COG6: variants seen among roughly 807,000 people sequenced by gnomAD.
COG6 encodes the protein component of oligomeric golgi complex 6.
In COG6, 74 loss-of-function variants were observed where a neutral mutation model predicts 88.8. The observed-to-expected ratio is 0.83, with a 90% CI of 0.69 to 1.01. The LOEUF (loss-of-function observed/expected upper bound fraction) is 1.01, where lower values mean the gene tolerates loss of function less well. Among genes scored for constraint, COG6 ranks in the 50% least tolerant of loss-of-function variants. COG6 has a pLI of 0.00. For synonymous variants in COG6, 286 were observed against 278.7 expected (o/e 1.03, Z -0.26); for missense variants, 800 against 797.9 (o/e 1.00, Z -0.03).
Position 39,719,764 on chromosome 13 carries a change from G to T in COG6, c.1521G>T (p.Met507Ile). Reference protein sequence around the residue: ...MATFMVNSLYMMKTTLALFEF... With the variant: ...MATFMVNSLYIMKTTLALFEF... The stretch of plus-strand genomic sequence containing the variant: ...CTTTCATGGTCAATTCACTATATAT[G>T]ATGAAGACAACATTAGCTCTATTTG... Residue 507 changes from methionine (M) to isoleucine (I), a missense_variant, in exon 15 of 19, where the codon ATG becomes ATT. Transcript: ENST00000455146. 3 of 1,612,646 alleles carry T rather than the reference G, an allele frequency of 1.9e-6. No homozygotes were observed. The highest frequency in any genetic ancestry group is 2.5e-6 in the Non-Finnish European group (3 of 1,179,008).
At chr13:39,701,288 T>C (rs888631304) in intron 13 of COG6, among the ~76,000 whole-genome samples, 1 of 151,814 alleles carries the variant, frequency 6.6e-6, no homozygotes, top group Non-Finnish European at 1.5e-5. Context: ...GAGATAAAGA[T>C]GGTATCATCT....
chr13:39,662,204 AT>A (rs1874944648), intron 3 of COG6, among the ~76,000 whole-genome samples: 1 of 136,106 alleles, frequency 7.3e-6, no homozygotes, highest in African/African-American at 2.8e-5. Context: ...ATCTCGGCTC[AT>A]AGCAACTTCC....
chr13:39,702,555 T>A (rs1392420599), intron 13 of COG6, among the ~76,000 whole-genome samples: 1 of 152,040 alleles, frequency 6.6e-6, no homozygotes, highest in East Asian at 1.9e-4. Flanking sequence ...AAGTCATTGA[T>A]GAATACTTCC....
intron 13 of COG6, among the ~76,000 whole-genome samples, chr13:39,712,661 A>G (rs1878306720): frequency 6.6e-6 from 1 of 152,216 alleles, no homozygotes; most frequent in African/African-American, 2.4e-5. Context: ...TTGGATTTAA[A>G]AACAAGCAAA....
intron 18 of COG6, among the ~76,000 whole-genome samples, chr13:39,729,248 T>G (rs1477600349): frequency 6.6e-6 from 1 of 152,080 alleles, no homozygotes; most frequent in Non-Finnish European, 1.5e-5. Context: ...CCTGGAAGGA[T>G]CTAGGTTATG....
At chr13:39,689,732 A>C in intron 10 of COG6, 28 bp from the exon 11 acceptor site, 4 of 1,511,176 alleles carry the variant, frequency 2.6e-6, no homozygotes, top group Non-Finnish European at 3.7e-6. Context: ...ATGGAAACAA[A>C]TATTAATTAT....
At chr13:39,754,134 C>T (rs557589595), downstream of COG6, among the ~76,000 whole-genome samples, 3 of 152,278 alleles carry the variant, frequency 2.0e-5, no homozygotes, top group African/African-American at 7.2e-5. Flanking sequence ...AACCCAACCC[C>T]CTTTTGACCT....
chr13:39,788,442 A>G (rs1269532746), exon 19 of COG6: 13 of 1,340,546 alleles, frequency 9.7e-6, no homozygotes, highest in African/African-American at 5.8e-5. Context: ...TGCCTTGGGG[A>G]CTGGCTATAG....
At position 39,788,303 on chromosome 13, in the gene COG6, C is replaced by T. The variant is rs751430495; in HGVS notation, c.1827-32C>T. On this transcript the variant is annotated intron_variant, in intron 18 of 18. Coordinates refer to the COG6 transcript ENST00000416691. ...AAGCAGGAAACTGCACCATCAGCAACATTGTCTTTGATTGTTGGCATTTGC... is the reference window on the plus strand; with the variant it reads ...AAGCAGGAAACTGCACCATCAGCAATATTGTCTTTGATTGTTGGCATTTGC... 3 of 1,551,298 alleles carry T rather than the reference C, an allele frequency of 1.9e-6. No individual in the cohort carries two copies. In the Middle Eastern group the frequency reaches 5.0e-4, roughly 259 times the overall value.
intron 13 of COG6, among the ~76,000 whole-genome samples, chr13:39,701,682 A>T (rs1227808382): frequency 6.6e-6 from 1 of 151,930 alleles, no homozygotes; most frequent in East Asian, 1.9e-4. Context: ...TTGGCAATAT[A>T]TATGTGATAG....
chr13:39,669,117 C>T (rs77791101), intron 4 of COG6, among the ~76,000 whole-genome samples: 3,672 of 152,310 alleles, frequency 0.024, 144 homozygotes, highest in African/African-American at 0.084. Context: ...ATGGTTGACT[C>T]TGCAAAGCAG....
At chr13:39,772,424 T>G (rs537999925) in intron 18 of COG6, among the ~76,000 whole-genome samples, 152 of 152,352 alleles carry the variant, frequency 1.0e-3, no homozygotes, top group African/African-American at 3.2e-3. Context: ...ACAGACATGA[T>G]TCCTGCCCTC....
rs1381692412 is a variant in COG6, at chr13:39,751,462, TTAGTA to T, written c.*372_*376del. On this transcript the variant is annotated 3_prime_UTR_variant, in exon 19 of 19. Transcript: ENST00000455146. ...TAAAAAATTTGTCTAAATTTAATAA[TTAGTA>T]TAAGGATATGACCTAATAAATGTCT... is the stretch of plus-strand genomic sequence containing the variant. The T allele has an allele frequency of 2.4e-6, 3 of 1,254,828 alleles. No individual in the cohort carries two copies. The highest frequency in any genetic ancestry group is 2.1e-6 in the Non-Finnish European group (2 of 961,524). The allele number at this position is 1,254,828 out of a possible 1,614,324, so 77.7% of individuals were successfully genotyped here.
At chr13:39,711,580 G>T (rs1212138298) in intron 13 of COG6, among the ~76,000 whole-genome samples, 1 of 151,754 alleles carries the variant, frequency 6.6e-6, no homozygotes, top group Admixed American at 6.6e-5. Context: ...TATAAAATTT[G>T]ATATTATTCC....
At chr13:39,788,467 G>A in exon 19 of COG6, 1 of 1,027,928 alleles carries the variant, frequency 9.7e-7, no homozygotes, top group Non-Finnish European at 1.5e-6. Flanking sequence ...GTGGCCAGAT[G>A]GCTTTGTCAT....
chr13:39,718,700 T>A (rs1484144791), intron 13 of COG6, among the ~76,000 whole-genome samples: 2 of 152,136 alleles, frequency 1.3e-5, no homozygotes, highest in Non-Finnish European at 2.9e-5. Flanking sequence ...AATGTTATAC[T>A]GTTTCTGTGA....
chr13:39,668,111 T>C (rs2137962500), intron 4 of COG6, among the ~76,000 whole-genome samples: 1 of 92,236 alleles, frequency 1.1e-5, no homozygotes. Flanking sequence ...TTACGATTCA[T>C]GTATCCACAC....
intron 1 of COG6, among the ~76,000 whole-genome samples, chr13:39,657,851 A>G (rs934464494): frequency 6.6e-6 from 1 of 152,038 alleles, no homozygotes; most frequent in East Asian, 1.9e-4. Flanking sequence ...ATTACTCTCA[A>G]ATTTATAACT....
rs1202864142 is a variant in COG6 at position 39,751,088 on chromosome 13, T to C, written c.1969T>C (p.Ser657Pro). The C allele has an allele frequency of 1.9e-6, 3 of 1,613,470 alleles. No homozygotes were observed. The highest frequency in any genetic ancestry group is 2.5e-6 in the Non-Finnish European group (3 of 1,179,724). ...GCCGCAGCAAGTGCAGACGCTTCTT[T>C]CCTGATTATCTTATTTCATTGTGTT... is the stretch of plus-strand genomic sequence containing the variant. ...RSPQQVQTLLS is the reference protein window; with the variant it reads ...RSPQQVQTLLP Residue 657 changes from serine (S) to proline (P), a missense_variant, in exon 19 of 19, where the codon TCC becomes CCC. By Grantham distance (74) the Ser-to-Pro change is moderately conservative. Transcript: ENST00000455146.
Sources: gnomAD v4.1 joint callset for allele counts (sites outside exome capture counted in the v4.1 genomes callset) on GRCh38, gnomAD v4.1.1 for gene constraint, MANE v1.5 for transcripts, NCBI Gene and HGNC (gene_info 2026-07-23, HGNC 2026-07-21) for gene names.